HERC2: variants seen among roughly 807,000 people sequenced by gnomAD.
The protein encoded by HERC2 is E3 ubiquitin-protein ligase HERC2.
A neutral mutation model predicts 537.7 loss-of-function variants in HERC2; 102 were observed. That is an observed-to-expected ratio of 0.19 (90% CI 0.16 to 0.22). HERC2 has a LOEUF of 0.22. Among genes scored for constraint, HERC2 ranks in the 10% least tolerant of loss-of-function variants. The pLI is 1.00. For missense variants in HERC2, 4,236 were observed against 6,198.2 expected (o/e 0.68, Z 10.63); for synonymous variants, 2,224 against 2,466.2 (o/e 0.90, Z 2.91).
chr15:28,247,076 G>C (rs772661700), intron 21 of HERC2, among the ~76,000 whole-genome samples, 179 bp from the exon 22 acceptor site: 1 of 152,150 alleles, frequency 6.6e-6, no homozygotes, highest in Non-Finnish European at 1.5e-5. Flanking sequence ...TGGAGGGACA[G>C]GGTTTTTATG....
At position 28,269,478 on chromosome 15, in the gene HERC2, CAAT is replaced by C. The variant is rs755801453; in HGVS notation, c.1258-45_1258-43del. ...TAAACATTTCCTTTAACAACAACAA[CAAT>C]AAAAAAAGGCTGGGAGTAACACTGA... On this transcript the variant is annotated intron_variant, in intron 10 of 92. Transcript: ENST00000261609. The C allele has an allele frequency of 2.0e-6, 3 of 1,500,550 alleles. 1 individual carries two copies. The South Asian group carries it at 3.5e-5, about 18-fold the overall frequency. The allele number at this position is 1,500,550 out of a possible 1,614,324, so 93.0% of individuals were successfully genotyped here.
chr15:28,115,409 C>T lies in HERC2; in HGVS notation c.13722+20G>A. ...GTTAACAAGACCCTAGAGGCCCCGC[C>T]TGCCGCCCCAGGGAGTTACCTCACT... On this transcript the variant is annotated intron_variant, in intron 89 of 92. Coordinates refer to ENST00000261609, the MANE Select transcript of HERC2 (RefSeq NM_004667.6). 1.3e-6 allele frequency: 2 copies of T among 1,585,958 alleles called. No homozygotes were observed. Among genetic ancestry groups the T allele is most frequent in the Non-Finnish European group, 8.6e-7 (1 of 1,156,296 alleles).
chr15:28,151,185 A>AG (rs1346105743), intron 70 of HERC2, among the ~76,000 whole-genome samples: 8 of 152,238 alleles, frequency 5.3e-5, no homozygotes, highest in African/African-American at 1.7e-4. Context: ...GGTTATGTAA[A>AG]GCAAATGAAA....
intron 65 of HERC2, among the ~76,000 whole-genome samples, chr15:28,171,715 G>C (rs1208410201): frequency 6.6e-6 from 1 of 151,952 alleles, no homozygotes; most frequent in African/African-American, 2.4e-5. Context: ...CAGAAGAAAT[G>C]ATATTTTTAA....
In HERC2 at chr15:28,238,159, G is replaced by T. The variant is rs553211421; in HGVS notation, c.3807C>A (p.Asp1269Glu). 39 of 1,611,946 alleles carry T rather than the reference G, an allele frequency of 2.4e-5. No individual in the cohort carries two copies. The African/African-American group carries it at 4.9e-4, about 20-fold the overall frequency. ...VALEAALQFE[D>E]TRESMHAFCV... ...AAAACGCGTGCATGGATTCCCGGGT[G>T]TCTTCAAACTGCAAAGCAGCTTCCA... Residue 1269 changes from aspartate to glutamate, a missense_variant, in exon 25 of 93, where the codon GAC (aspartate) becomes GAA (glutamate). Asp to Glu is a conservative substitution (Grantham distance 45, BLOSUM62 2). Coordinates refer to ENST00000261609, the MANE Select transcript of HERC2 (RefSeq NM_004667.6).
intron 16 of HERC2, among the ~76,000 whole-genome samples, chr15:28,259,293 C>G (rs1224277867): frequency 6.6e-6 from 1 of 151,936 alleles, no homozygotes; most frequent in African/African-American, 2.4e-5. Flanking sequence ...ACAGGTTTCA[C>G]CATGTTAGCC....
chr15:28,246,146 C>T, intron 22 of HERC2, 80 bp from the exon 23 acceptor site: 1 of 869,402 alleles, frequency 1.2e-6, no homozygotes, highest in Non-Finnish European at 1.7e-6. Context: ...TGTTTAAATT[C>T]TGCTAAGTCA....
At chr15:28,245,645 A>G (rs1366819030) in intron 23 of HERC2, among the ~76,000 whole-genome samples, 1 of 151,368 alleles carries the variant, frequency 6.6e-6, no homozygotes, top group East Asian at 1.9e-4. Context: ...ACACATATAT[A>G]TACACACTCA....
chr15:28,121,857 GCCAGGGAGCACCGCGGAGCCAGCCGGAC>G (rs1251065857), intron 85 of HERC2, among the ~76,000 whole-genome samples: 2 of 152,136 alleles, frequency 1.3e-5, no homozygotes, highest in African/African-American at 4.8e-5. Context: ...GCAGCCACGG[GCCAGGGAGCACCGCGGAGCCAGCCGGAC>G]CTTGGATCGC....
intron 4 of HERC2, among the ~76,000 whole-genome samples, chr15:28,286,312 A>G (rs2076157360): frequency 6.6e-6 from 1 of 152,148 alleles, no homozygotes; most frequent in Non-Finnish European, 1.5e-5. Flanking sequence ...TACTGTACCT[A>G]AAGACAGTAC....
chr15:28,193,452 A>T (rs1897040889), intron 52 of HERC2, among the ~76,000 whole-genome samples: 1 of 152,192 alleles, frequency 6.6e-6, no homozygotes, highest in African/African-American at 2.4e-5. Flanking sequence ...AGAAAACATA[A>T]CAAGAAGGTA....
intron 44 of HERC2, among the ~76,000 whole-genome samples, chr15:28,208,213 T>C (rs1347929726): frequency 6.6e-6 from 1 of 152,056 alleles, no homozygotes; most frequent in Non-Finnish European, 1.5e-5. Context: ...CCTCTTAAGA[T>C]TAAGAAACAA....
intron 48 of HERC2, among the ~76,000 whole-genome samples, chr15:28,199,930 G>C (rs1427141174): frequency 6.6e-6 from 1 of 152,198 alleles, no homozygotes; most frequent in East Asian, 1.9e-4. Flanking sequence ...CATGAAAGGA[G>C]AGGACGGGGG....
At chr15:28,318,247 C>A (rs867681583) in intron 2 of HERC2, among the ~76,000 whole-genome samples, 1 of 152,150 alleles carries the variant, frequency 6.6e-6, no homozygotes, top group Non-Finnish European at 1.5e-5. Context: ...ATGTGACTGA[C>A]ACCTCTTAGC....
At chr15:28,298,120 A>C (rs1486398728) in intron 3 of HERC2, among the ~76,000 whole-genome samples, 1 of 151,088 alleles carries the variant, frequency 6.6e-6, no homozygotes, top group Non-Finnish European at 1.5e-5. Context: ...GAAAAGGGAG[A>C]CTAATACTTT....
chr15:28,299,996 T>C, intron 2 of HERC2, among the ~76,000 whole-genome samples: 1 of 144,662 alleles, frequency 6.9e-6, no homozygotes, highest in Non-Finnish European at 1.5e-5. Context: ...GAGGTTGCAG[T>C]GAGCCAAGAT....
rs749400098 is a variant in HERC2 at position 28,233,529 on chromosome 15, C to T, written c.4384G>A (p.Ala1462Thr). The T allele has an allele frequency of 6.9e-6, 11 of 1,601,732 alleles. No individual in the cohort carries two copies. The highest frequency in any genetic ancestry group is 3.3e-4 in the Middle Eastern group (2 of 6,062). The change falls in exon 29 of 93, where the codon GCA (alanine) becomes ACA (threonine). Residue 1462 changes from alanine (A) to threonine (T), a missense_variant. Ala to Thr is a moderately conservative substitution (Grantham distance 58, BLOSUM62 0). This residue lies in a region of HERC2 where 94 missense variants were observed against 174.9 expected (regional missense o/e 0.54). Transcript: ENST00000261609. ...TGCTTTACTTGCTCAATACCAAGTG[C>T]ACCTGCATGAACTAAAGATAATGCC... ...HVALSLVHAG[A>T]LGIEQVKHRT...
chr15:28,206,093 A>G (rs1898415066), intron 45 of HERC2, 147 bp downstream of exon 45: 3 of 545,136 alleles, frequency 5.5e-6, no homozygotes, highest in South Asian at 2.2e-5. Context: ...ATGCACAAAC[A>G]TGGTTAAACC....
intron 4 of HERC2, among the ~76,000 whole-genome samples, chr15:28,280,614 AAAG>A (rs1457631232): frequency 2.0e-5 from 3 of 152,114 alleles, no homozygotes; most frequent in African/African-American, 7.2e-5. Flanking sequence ...ACATCATACA[AAAG>A]AAGTTGGCCG....
Sources: gnomAD v4.1 joint callset for allele counts (sites outside exome capture counted in the v4.1 genomes callset) on GRCh38, gnomAD v4.1.1 for gene constraint, gnomAD v4.1.1 regional missense constraint, MANE v1.5 for transcripts, NCBI Gene and HGNC (gene_info 2026-07-23, HGNC 2026-07-21) for gene names.